Variants in C10orf90 observed in about 807,000 individuals in gnomAD.
The protein encoded by C10orf90 is (E2-independent) E3 ubiquitin-conjugating enzyme FATS.
A neutral mutation model predicts 62.5 loss-of-function variants in C10orf90; 56 were observed. The observed-to-expected ratio is 0.90, with a 90% CI of 0.72 to 1.12. C10orf90 has a LOEUF of 1.12. Among genes scored for constraint, C10orf90 ranks in the 50% most tolerant of loss-of-function variants. The pLI is 0.00. For synonymous variants in C10orf90, 386 were observed against 340.4 expected (o/e 1.13, Z -1.47); for missense variants, 970 against 880.4 (o/e 1.10, Z -1.29).
intron 2 of C10orf90, among the ~76,000 whole-genome samples, chr10:126,643,847 G>A (rs1360383790): frequency 1.3e-5 from 2 of 152,210 alleles, no homozygotes; most frequent in Non-Finnish European, 2.9e-5. Flanking sequence ...TGATGAGCAT[G>A]GAAACACGGG....
intron 2 of C10orf90, among the ~76,000 whole-genome samples, chr10:126,517,908 CAAAAA>C (rs34182199): frequency 2.0e-3 from 164 of 80,818 alleles, no homozygotes; most frequent in African/African-American, 6.4e-3. Context: ...GACTCCATCT[CAAAAA>C]AAAAAAAAAA....
At chr10:126,631,180 C>G (rs1845843633) in intron 2 of C10orf90, among the ~76,000 whole-genome samples, 1 of 152,186 alleles carries the variant, frequency 6.6e-6, no homozygotes, top group African/African-American at 2.4e-5. Context: ...TCACTCCCTC[C>G]TTTTGTACCT....
rs559609348 is a variant in C10orf90, at chr10:126,426,606, C to G, written c.2253-516G>C. 1.1e-4 allele frequency among the ~76,000 whole-genome samples: 16 copies of G among 152,262 alleles called. No homozygotes were observed. In the South Asian group the frequency reaches 2.5e-3, roughly 24 times the overall value. On this transcript the variant is annotated intron_variant, in intron 8 of 9. Coordinates refer to ENST00000488181, the MANE Select transcript of C10orf90 (RefSeq NM_001350921.2). ...AGTGTGTGTGTTTTTACCTCTCAAC[C>G]TATTGCACTTTGAATTAAGGGCCCA...
chr10:126,649,034 GTCTCTCTCTCTC>G (rs1196569277), intron 1 of C10orf90, among the ~76,000 whole-genome samples: 13 of 26,592 alleles, frequency 4.9e-4, no homozygotes, highest in South Asian at 1.7e-3. Context: ...CTCTGTCTCT[GTCTCTCTCTCTC>G]TCTCTCTCTC....
intron 7 of C10orf90, among the ~76,000 whole-genome samples, chr10:126,445,330 C>T (rs1013047608): frequency 4.6e-5 from 7 of 151,988 alleles, no homozygotes; most frequent in African/African-American, 1.7e-4. Flanking sequence ...AAAAAACAAA[C>T]AATCCCATCA....
chr10:126,625,634 T>C (rs184284909), intron 2 of C10orf90, among the ~76,000 whole-genome samples: 2 of 152,294 alleles, frequency 1.3e-5, no homozygotes, highest in East Asian at 3.9e-4. Context: ...CTAATGATGT[T>C]TGGATGACTC....
At chr10:126,494,739 A>G (rs7093950) in intron 4 of C10orf90, among the ~76,000 whole-genome samples, 83,128 of 152,132 alleles carry the variant, frequency 0.55, 23,263 homozygotes, top group African/African-American at 0.68. Context: ...ATAATGGACC[A>G]GTTTATATAC....
rs371264525 is a variant in C10orf90 at position 126,652,162 on chromosome 10, A to C, written c.241-5525T>G. On this transcript the variant is annotated intron_variant, in intron 1 of 9. Transcript: ENST00000488181. ...TATTTTCTGGTTAATGCAACCCTGC[A>C]CCTATAATAACTCAAAACTGAGATT... Among the ~76,000 whole-genome samples, 5 of 152,358 alleles carry C rather than the reference A, an allele frequency of 3.3e-5. No homozygotes were observed. In the South Asian group the frequency reaches 6.2e-4, roughly 19 times the overall value.
intron 4 of C10orf90, among the ~76,000 whole-genome samples, chr10:126,468,396 C>CA (rs1175566977): frequency 1.3e-5 from 2 of 152,212 alleles, no homozygotes; most frequent in African/African-American, 4.8e-5. Flanking sequence ...GTAAGGACAT[C>CA]ATTGTATCTG....
intron 2 of C10orf90, among the ~76,000 whole-genome samples, chr10:126,573,065 G>A (rs551342206): frequency 1.3e-5 from 2 of 152,232 alleles, no homozygotes; most frequent in South Asian, 4.2e-4. Flanking sequence ...AATTGTAGAA[G>A]GAAAGGGCTT....
chr10:126,504,756 G>T lies in C10orf90; in HGVS notation c.735C>A (p.Gly245=), dbSNP rs762500284. Residue 245 remains glycine (G), a synonymous_variant, in exon 4 of 10, where the codon GGC becomes GGA. Transcript: ENST00000488181. The surrounding 1 kb of genome is among the most constrained non-coding windows in gnomAD (Gnocchi z 4.1). ...ASITITARRV[G]PPARALVWGT... is the part of the protein sequence containing the mutation. ...CCCACACCAGGGCGCGGGCTGGGGG[G>T]CCCACGCGTCTGGCCGTGATGGTGA... 1.9e-6 allele frequency: 3 copies of T among 1,590,160 alleles called. No individual in the cohort carries two copies. The highest frequency in any genetic ancestry group is 1.1e-5 in the South Asian group (1 of 86,996).
intron 2 of C10orf90, among the ~76,000 whole-genome samples, chr10:126,631,422 T>C (rs542054014): frequency 6.6e-6 from 1 of 152,260 alleles, no homozygotes; most frequent in South Asian, 2.1e-4. Context: ...GCTGCTTGCA[T>C]GGCAAACTCC....
chr10:126,466,445 G>C (rs186174300), intron 4 of C10orf90, among the ~76,000 whole-genome samples: 1 of 152,166 alleles, frequency 6.6e-6, no homozygotes, highest in African/African-American at 2.4e-5. Context: ...AAAAGGAATT[G>C]AGCTCATGAC....
chr10:126,620,296 A>G (rs1845620117), intron 2 of C10orf90, among the ~76,000 whole-genome samples: 2 of 152,154 alleles, frequency 1.3e-5, no homozygotes, highest in African/African-American at 4.8e-5. Flanking sequence ...CAAATTTCCA[A>G]CTGAGTCAGG....
intron 4 of C10orf90, among the ~76,000 whole-genome samples, chr10:126,496,910 GT>G (rs1696583018): frequency 6.6e-6 from 1 of 152,228 alleles, no homozygotes; most frequent in African/African-American, 2.4e-5. Context: ...CAATGACTCA[GT>G]TGAATCCTGC....
At chr10:126,591,861 A>G (rs1435692816) in intron 2 of C10orf90, among the ~76,000 whole-genome samples, 1 of 152,232 alleles carries the variant, frequency 6.6e-6, no homozygotes, top group African/African-American at 2.4e-5. Flanking sequence ...CTCAGGATAC[A>G]AAATAAATGT....
chr10:126,472,841 C>T (rs1021927503), intron 4 of C10orf90, among the ~76,000 whole-genome samples: 10 of 152,028 alleles, frequency 6.6e-5, no homozygotes, highest in South Asian at 2.1e-4. Context: ...TGTGTGTCTG[C>T]GTGTGTGCAT....
chr10:126,470,953 C>T (rs1860555437), intron 4 of C10orf90, among the ~76,000 whole-genome samples: 1 of 152,130 alleles, frequency 6.6e-6, no homozygotes, highest in South Asian at 2.1e-4. Flanking sequence ...CATTTGGTAT[C>T]TCTGTATTTC....
intron 7 of C10orf90, among the ~76,000 whole-genome samples, chr10:126,446,856 T>G (rs535211982): frequency 1.3e-5 from 2 of 152,128 alleles, no homozygotes; most frequent in Middle Eastern, 3.4e-3. Flanking sequence ...TATAAAAATA[T>G]GTAAACTGTA....
Sources: gnomAD v4.1 joint callset for allele counts (sites outside exome capture counted in the v4.1 genomes callset) on GRCh38, gnomAD v4.1.1 for gene constraint, Gnocchi (gnomAD v3.1) non-coding constraint, MANE v1.5 for transcripts, NCBI Gene and HGNC (gene_info 2026-07-23, HGNC 2026-07-21) for gene names.